Variants in CNTRL observed in about 807,000 individuals in gnomAD.
CNTRL encodes the protein centriolin.
Under a neutral mutation model 303.7 loss-of-function variants are expected in CNTRL, and 233 were observed. That is an observed-to-expected ratio of 0.77 (90% confidence interval 0.69 to 0.86). The LOEUF (loss-of-function observed/expected upper bound fraction) is 0.86. Among genes scored for constraint, CNTRL ranks in the 40% least tolerant of loss-of-function variants. CNTRL has a pLI of 0.00. For missense variants in CNTRL, 2,524 were observed against 2,650.6 expected (o/e 0.95, Z 1.05); for synonymous variants, 900 against 922.2 (o/e 0.98, Z 0.44).
At chr9:121,093,728 C>T (rs963874624) in intron 4 of CNTRL, among the ~76,000 whole-genome samples, 2 of 152,094 alleles carry the variant, frequency 1.3e-5, no homozygotes, top group Non-Finnish European at 2.9e-5. Flanking sequence ...ACGCCATATT[C>T]CCATTACCTG....
intron 25 of CNTRL, 116 bp from the exon 26 acceptor site, chr9:121,152,369 T>G: frequency 1.4e-6 from 1 of 732,582 alleles, no homozygotes; most frequent in East Asian, 2.5e-5. Flanking sequence ...GAATCTACCA[T>G]CATTTTTTGG....
intron 12 of CNTRL, among the ~76,000 whole-genome samples, chr9:121,120,217 T>C (rs1211789958): frequency 6.6e-6 from 1 of 152,180 alleles, no homozygotes; most frequent in Admixed American, 6.5e-5. Flanking sequence ...CTTGACAAGT[T>C]GTTTAACTGT....
At chr9:121,145,128 T>G in intron 21 of CNTRL, 116 bp from the exon 22 acceptor site, 1 of 1,283,884 alleles carries the variant, frequency 7.8e-7, no homozygotes. Context: ...AGTAATGCAG[T>G]TTCCTCACTG....
chr9:121,129,084 A>T (rs2050706457), intron 14 of CNTRL, among the ~76,000 whole-genome samples: 1 of 152,200 alleles, frequency 6.6e-6, no homozygotes, highest in Non-Finnish European at 1.5e-5. Flanking sequence ...TGATGCCTCC[A>T]GCTTTGTTCT....
intron 7 of CNTRL, among the ~76,000 whole-genome samples, chr9:121,100,751 G>C (rs919696474): frequency 6.6e-6 from 1 of 152,130 alleles, no homozygotes; most frequent in African/African-American, 2.4e-5. Context: ...AAAGGCAGGG[G>C]TTGCATTCCT....
intron 8 of CNTRL, among the ~76,000 whole-genome samples, chr9:121,110,395 G>A (rs1424061743): frequency 6.6e-6 from 1 of 152,132 alleles, no homozygotes; most frequent in African/African-American, 2.4e-5. Flanking sequence ...ATACATCCAT[G>A]TAAGAATAAT....
At position 121,169,760 on chromosome 9, in the gene CNTRL, G is replaced by A. The variant is rs758244984; in HGVS notation, c.6220G>A (p.Ala2074Thr). The change falls in exon 39 of 44, where the codon GCC (alanine) becomes ACC (threonine). Residue 2074 changes from alanine to threonine, a missense_variant. Physicochemically the swap from Ala to Thr is moderately conservative, Grantham distance 58 (BLOSUM62 0). Coordinates refer to ENST00000373855, the MANE Select transcript of CNTRL (RefSeq NM_007018.6). ...TERKKAEKQVASLKEALKIQR... is the reference protein window; with the variant it reads ...TERKKAEKQVTSLKEALKIQR... Reference sequence around the variant, plus strand: ...AAGAAAGAAAGCTGAGAAGCAGGTGGCCAGCCTGAAGGAAGCACTTAAGAT... The same window carrying A: ...AAGAAAGAAAGCTGAGAAGCAGGTGACCAGCCTGAAGGAAGCACTTAAGAT... The A allele has an allele frequency of 9.9e-6, 16 of 1,614,070 alleles. No individual in the cohort carries two copies. The highest frequency in any genetic ancestry group is 1.3e-5 in the Non-Finnish European group (15 of 1,180,038).
chr9:121,127,583 C>G (rs944055187), intron 14 of CNTRL, among the ~76,000 whole-genome samples: 1 of 151,608 alleles, frequency 6.6e-6, no homozygotes, highest in Non-Finnish European at 1.5e-5. Flanking sequence ...TGCCTTTCAC[C>G]GAGAGTCACC....
chr9:121,168,728 G>A (rs142992021), intron 38 of CNTRL, among the ~76,000 whole-genome samples: 65 of 152,316 alleles, frequency 4.3e-4, no homozygotes, highest in African/African-American at 1.5e-3. Flanking sequence ...GAATACAGGT[G>A]TTTGCTTTTA....
intron 14 of CNTRL, among the ~76,000 whole-genome samples, chr9:121,128,161 G>A (rs1339189570): frequency 6.6e-6 from 1 of 152,182 alleles, no homozygotes; most frequent in Non-Finnish European, 1.5e-5. Context: ...TATATACCCA[G>A]TAATGGGATC....
At chr9:121,151,669 G>A (rs1371698193) in intron 25 of CNTRL, among the ~76,000 whole-genome samples, 1 of 152,148 alleles carries the variant, frequency 6.6e-6, no homozygotes, top group African/African-American at 2.4e-5. Flanking sequence ...GGGATTACAG[G>A]CATGAGTCAC....
chr9:121,170,589 G>A (rs1362215967), intron 39 of CNTRL, among the ~76,000 whole-genome samples: 4 of 152,148 alleles, frequency 2.6e-5, no homozygotes, highest in Non-Finnish European at 5.9e-5. Context: ...CTGAGTATCT[G>A]GAATTACAGG....
chr9:121,151,384 CTTCTT>C (rs1202616021), intron 25 of CNTRL, among the ~76,000 whole-genome samples: 2 of 91,526 alleles, frequency 2.2e-5, no homozygotes, highest in Non-Finnish European at 4.3e-5. Flanking sequence ...CTTTTTTCTT[CTTCTT>C]TTTTTTTTTT....
chr9:121,150,553 A>G (rs1309311747), intron 25 of CNTRL, 70 bp downstream of exon 25: 1 of 1,419,988 alleles, frequency 7.0e-7, no homozygotes, highest in South Asian at 1.2e-5. Context: ...TATATACTTA[A>G]TGAGTTGACC....
At chr9:121,128,231 C>T (rs2050649397) in intron 14 of CNTRL, among the ~76,000 whole-genome samples, 1 of 152,192 alleles carries the variant, frequency 6.6e-6, no homozygotes, top group Admixed American at 6.5e-5. Context: ...TTGTCTTCCA[C>T]AAAGGTTGAA....
At chr9:121,176,455 A>G in intron 43 of CNTRL, among the ~76,000 whole-genome samples, 1 of 152,180 alleles carries the variant, frequency 6.6e-6, no homozygotes, top group East Asian at 1.9e-4. Flanking sequence ...CAGTCAGGTA[A>G]AGGCCAAAAT....
Position 121,154,718 on chromosome 9 carries a change from T to G in CNTRL, c.4173-3T>G. The G allele has an allele frequency of 6.4e-7, 1 of 1,573,780 alleles. No homozygotes were observed. Among genetic ancestry groups the G allele is most frequent in the Admixed American group, 1.7e-5 (1 of 59,784 alleles). On this transcript the variant is annotated splice_polypyrimidine_tract_variant and splice_region_variant and intron_variant, in intron 26 of 43. Transcript: ENST00000373855. The stretch of plus-strand genomic sequence containing the variant: ...TTTAATGGGTGTATATATTATTTTT[T>G]AGGGACTTCATTGATGGAAATGTTG...
At chr9:121,138,794 AG>A in intron 16 of CNTRL, 115 bp downstream of exon 16, 1 of 1,035,266 alleles carries the variant, frequency 9.7e-7, no homozygotes, top group Non-Finnish European at 1.4e-6. Flanking sequence ...TTGAATTACT[AG>A]AAAAAAGGGA....
At position 121,152,553 on chromosome 9, in the gene CNTRL, G is replaced by T. The variant is rs375854316; in HGVS notation, c.4032G>T (p.Trp1344Cys). Reference protein sequence around the residue: ...HLKSKKREERWMRASKRQSEK... With the variant: ...HLKSKKREERCMRASKRQSEK... ...AATCAAAGAAGCGGGAAGAAAGGTG[G>T]ATGAGAGCATCCAAGCGGCAGTCGG... The change falls in exon 26 of 44, where the codon TGG becomes TGT. Residue 1344 changes from tryptophan to cysteine, a missense_variant. Transcript: ENST00000373855. The T allele has an allele frequency of 6.2e-7, 1 of 1,614,110 alleles. No homozygotes were observed. The highest frequency in any genetic ancestry group is 8.5e-7 in the Non-Finnish European group (1 of 1,180,012).
Sources: gnomAD v4.1 joint callset for allele counts (sites outside exome capture counted in the v4.1 genomes callset) on GRCh38, gnomAD v4.1.1 for gene constraint, MANE v1.5 for transcripts, NCBI Gene and HGNC (gene_info 2026-07-23, HGNC 2026-07-21) for gene names.